The following DOT1L variants were observed in gnomAD, a reference collection of about 807,000 sequenced individuals.
DOT1L encodes histone-lysine N-methyltransferase, H3 lysine-79 specific.
In DOT1L, 33 loss-of-function variants were observed where a neutral mutation model predicts 153.3. The observed-to-expected ratio is 0.22, with a 90% CI of 0.16 to 0.29. The LOEUF (loss-of-function observed/expected upper bound fraction) is 0.29. DOT1L is among the 10% of genes least tolerant of loss of function. The probability of loss-of-function intolerance (pLI) is 1.00; values close to 1 mark genes in which losing one functional copy is unlikely to be tolerated. For missense variants in DOT1L, 1,847 were observed against 2,119.9 expected, an observed-to-expected ratio of 0.87 and a Z score of 2.53; for synonymous variants, 1,135 against 965.1, an observed-to-expected ratio of 1.18 and a Z score of -3.26.
At chr19:2,180,135 C>T (rs967824257) in intron 1 of DOT1L, among the ~76,000 whole-genome samples, 3 of 152,078 alleles carry the variant, frequency 2.0e-5, no homozygotes, top group Admixed American at 6.5e-5. Flanking sequence ...TGGGCTATGG[C>T]GAGGCCGCCC....
In DOT1L at chr19:2,193,431, T is replaced by C. The variant is rs907648340; in HGVS notation, c.494-258T>C. ...ATAGGGCCCTGAGACTCAAAATGGA[T>C]TCTGGTTTCGGGGGCCACCAAGTGA... is the stretch of plus-strand genomic sequence containing the variant. On this transcript the variant is annotated intron_variant, in intron 5 of 27. Transcript: ENST00000398665. The surrounding 1 kb of genome is among the most constrained non-coding windows in gnomAD (Gnocchi z 5.9). 6.6e-6 allele frequency among the ~76,000 whole-genome samples: 1 copy of C among 152,204 alleles called. No homozygotes were observed. Among genetic ancestry groups the C allele is most frequent in the African/African-American group, 2.4e-5 (1 of 41,444 alleles).
intron 3 of DOT1L, among the ~76,000 whole-genome samples, chr19:2,187,982 CTGCG>C (rs1568338035): frequency 5.9e-4 from 89 of 151,520 alleles, no homozygotes; most frequent in African/African-American, 1.7e-3. Context: ...TCCTCTGGAG[CTGCG>C]GGGAAGGCGG....
At chr19:2,172,946 C>T (rs1193583771) in intron 1 of DOT1L, among the ~76,000 whole-genome samples, 1 of 151,010 alleles carries the variant, frequency 6.6e-6, no homozygotes, top group Non-Finnish European at 1.5e-5. Flanking sequence ...CACTGCACTC[C>T]AGCCTGGGCA....
chr19:2,167,592 G>A (rs973673838), intron 1 of DOT1L, among the ~76,000 whole-genome samples: 9 of 152,240 alleles, frequency 5.9e-5, no homozygotes, highest in Admixed American at 1.3e-4. Flanking sequence ...GCCCACTGCC[G>A]GGCCCAGCAT....
chr19:2,175,557 A>G (rs1568329091), intron 1 of DOT1L, among the ~76,000 whole-genome samples: 1 of 152,234 alleles, frequency 6.6e-6, no homozygotes, highest in African/African-American at 2.4e-5. Context: ...GGCTGGACGC[A>G]GTGGCTCACG....
intron 7 of DOT1L, among the ~76,000 whole-genome samples, chr19:2,199,349 T>C (rs2023149715): frequency 6.6e-6 from 1 of 152,214 alleles, no homozygotes; most frequent in African/African-American, 2.4e-5. Context: ...TTCTTGTGGT[T>C]GGTGAGGGAG....
chr19:2,176,833 TATGGACAGACAGGAACTTCTGGGAC>T (rs1568330008), intron 1 of DOT1L, among the ~76,000 whole-genome samples: 20 of 152,104 alleles, frequency 1.3e-4, no homozygotes, highest in South Asian at 2.1e-4. Flanking sequence ...GGGAAGACGC[TATGGACAGACAGGAACTTCTGGGAC>T]CACAGCAGGC....
rs371099351 is a variant in DOT1L, at chr19:2,172,532, C to T, written c.82-8181C>T. On this transcript the variant is annotated intron_variant, in intron 1 of 27. Transcript: ENST00000398665. ...CTTTTTTTTTTTTTGAAGACAGAGT[C>T]TCACTCTTTTTACTCAGGCTGGAGT... 3.5e-5 allele frequency among the ~76,000 whole-genome samples: 5 copies of T among 142,060 alleles called. No individual in the cohort carries two copies. The East Asian group carries it at 6.4e-4, about 18-fold the overall frequency. The allele number at this position is 142,060 out of a possible 152,430, so 93.2% of individuals were successfully genotyped here.
chr19:2,222,157 C>G lies in DOT1L; in HGVS notation c.2988C>G (p.Asn996Lys). The G allele has an allele frequency of 1.2e-6, 2 of 1,613,078 alleles. No homozygotes were observed. Among genetic ancestry groups the G allele is most frequent in the Middle Eastern group, 1.6e-4 (1 of 6,062 alleles). Residue 996 changes from asparagine (N) to lysine (K), a missense_variant, in exon 24 of 28, where the codon AAC (asparagine) becomes AAG (lysine). Coordinates refer to ENST00000398665, the MANE Select transcript of DOT1L (RefSeq NM_032482.3). The surrounding 1 kb of genome is among the most constrained non-coding windows in gnomAD (Gnocchi z 6.5). ...CCCTGCTGCTGGCACAGCCCCGGAA[C>G]TCGCTTCCTGCCTCTCCCGCCCACC... ...QHPLLLAQPR[N>K]SLPASPAHQL...
Position 2,220,069 on chromosome 19 carries a change from C to T in DOT1L, c.2692-39C>T, listed in dbSNP as rs775665639. 1.3e-6 allele frequency: 2 copies of T among 1,555,318 alleles called. No individual in the cohort carries two copies. The highest frequency in any genetic ancestry group is 4.5e-5 in the East Asian group (2 of 44,308). On this transcript the variant is annotated intron_variant, in intron 22 of 27. Transcript: ENST00000398665. This position sits in a 1 kb window ranked among gnomAD's most constrained non-coding sequence, Gnocchi z 4.5. ...CAGCTGGGTTCTGGGTCTCCTGGGG[C>T]ACCTGCTGCCCCTGACACACAGGGT...
At chr19:2,200,452 C>T (rs561543060) in intron 8 of DOT1L, among the ~76,000 whole-genome samples, 6 of 152,336 alleles carry the variant, frequency 3.9e-5, no homozygotes, top group South Asian at 2.1e-4. Flanking sequence ...CCGTCCCCAC[C>T]GCCACCTGTT....
rs1287812399 is a variant in DOT1L at position 2,220,256 on chromosome 19, CTGCT to C, written c.2806+35_2806+38del. Reference sequence around the variant, plus strand: ...CCTCCTGTGCCCTACCCTCAGGACTCTGCTGCTGCTGCTGCTCTTCAGGCAGGAG... The same window carrying C: ...CCTCCTGTGCCCTACCCTCAGGACTCGCTGCTGCTGCTCTTCAGGCAGGAG... On this transcript the variant is annotated intron_variant, in intron 23 of 27. Coordinates refer to ENST00000398665, the MANE Select transcript of DOT1L (RefSeq NM_032482.3). This position sits in a 1 kb window ranked among gnomAD's most constrained non-coding sequence, Gnocchi z 4.5. 3 of 1,481,206 alleles carry C rather than the reference CTGCT, an allele frequency of 2.0e-6. No homozygotes were observed. In the African/African-American group the frequency reaches 4.2e-5, roughly 21 times the overall value. 91.8% of individuals were successfully genotyped at this position (1,481,206 alleles called of 1,614,324 possible).
chr19:2,214,189 G>A (rs2023818705), intron 18 of DOT1L: 3 of 961,392 alleles, frequency 3.1e-6, no homozygotes, highest in South Asian at 3.4e-5. Flanking sequence ...GTTTCTCAGC[G>A]GCCCTGGGTG....
chr19:2,172,603 C>G (rs2021703244), intron 1 of DOT1L, among the ~76,000 whole-genome samples: 1 of 151,310 alleles, frequency 6.6e-6, no homozygotes, highest in Non-Finnish European at 1.5e-5. Flanking sequence ...CTCCTGGGTT[C>G]AAGCCATTCT....
intron 3 of DOT1L, 121 bp downstream of exon 3, chr19:2,186,050 T>A: frequency 1.0e-6 from 1 of 984,656 alleles, no homozygotes; most frequent in Non-Finnish European, 1.6e-6. Context: ...GAAATTTCCT[T>A]TTAGAGTTGG....
rs754211967 is a variant in DOT1L at position 2,223,270 on chromosome 19, T to C, written c.3391-11T>C. The C allele has an allele frequency of 8.1e-6, 13 of 1,612,984 alleles. No individual in the cohort carries two copies. In the East Asian group the frequency reaches 2.7e-4, roughly 33 times the overall value. On this transcript the variant is annotated splice_polypyrimidine_tract_variant and intron_variant, in intron 24 of 27. Coordinates refer to ENST00000398665, the MANE Select transcript of DOT1L (RefSeq NM_032482.3). ...GTGGTATGTGCATCCATTGTGTCTGTCTGCCCTCAGGTCAGTAACATCAAC... is the reference window on the plus strand; with the variant it reads ...GTGGTATGTGCATCCATTGTGTCTGCCTGCCCTCAGGTCAGTAACATCAAC...
intron 8 of DOT1L, 27 bp downstream of exon 8, chr19:2,199,966 C>T (rs1264981558): frequency 1.9e-6 from 3 of 1,611,738 alleles, no homozygotes; most frequent in Non-Finnish European, 2.5e-6. Context: ...GCATGCAGGG[C>T]ATGTGGGGTG....
chr19:2,172,578 T>TA (rs1443020270), intron 1 of DOT1L, among the ~76,000 whole-genome samples: 1 of 144,232 alleles, frequency 6.9e-6, no homozygotes, highest in Non-Finnish European at 1.5e-5. Context: ...CATCTCGGCT[T>TA]ACTGAAACCT....
At chr19:2,202,891 T>A in intron 9 of DOT1L, 112 bp downstream of exon 9, 3 of 1,003,794 alleles carry the variant, frequency 3.0e-6, no homozygotes, top group Middle Eastern at 2.6e-4. Flanking sequence ...GGGTCTTCAG[T>A]CCCCTTGGAG....
Sources: gnomAD v4.1 joint callset for allele counts (sites outside exome capture counted in the v4.1 genomes callset) on GRCh38, gnomAD v4.1.1 for gene constraint, Gnocchi (gnomAD v3.1) non-coding constraint, MANE v1.5 for transcripts, NCBI Gene and HGNC (gene_info 2026-07-23, HGNC 2026-07-21) for gene names.